TAS2R1: variants seen among roughly 807,000 people sequenced by gnomAD.
The protein encoded by TAS2R1 is taste receptor type 2 member 1.
For synonymous variants in TAS2R1, 141 were observed against 134.2 expected, an observed-to-expected ratio of 1.05 and a Z score of -0.35; for missense variants, 370 against 353.4, an observed-to-expected ratio of 1.05 and a Z score of -0.38.
the TAS2R1 span, among the ~76,000 whole-genome samples, chr5:9,731,247 G>A: frequency 5.3e-5 from 8 of 152,012 alleles, no homozygotes; most frequent in East Asian, 5.8e-4. Flanking sequence ...TCAAAGCAAC[G>A]TCATCTATCA....
At chr5:9,842,467 C>A in the TAS2R1 span, among the ~76,000 whole-genome samples, 1 of 151,624 alleles carries the variant, frequency 6.6e-6, no homozygotes, top group Non-Finnish European at 1.5e-5. Flanking sequence ...ACTACAAGTG[C>A]CCACCACCAC....
chr5:9,798,146 T>A, the TAS2R1 span, among the ~76,000 whole-genome samples: 1 of 152,256 alleles, frequency 6.6e-6, no homozygotes, highest in South Asian at 2.1e-4. Flanking sequence ...TGGTGTACGA[T>A]TTGATTAATA....
the TAS2R1 span, among the ~76,000 whole-genome samples, chr5:9,842,312 C>CTTT: frequency 0.012 from 1,493 of 120,054 alleles, 94 homozygotes; most frequent in African/African-American, 0.04. Context: ...GTCTTTCTTT[C>CTTT]TCTCTTTTTT....
chr5:9,725,826 T>TCCAGTGCGGGATCCACTGGGTG, the TAS2R1 span, among the ~76,000 whole-genome samples: 3 of 152,158 alleles, frequency 2.0e-5, no homozygotes, highest in African/African-American at 7.2e-5. Flanking sequence ...CCTTTATGTC[T>TCCAGTGCGGGATCCACTGGGTG]AGTTAAGGGA....
the TAS2R1 span, among the ~76,000 whole-genome samples, chr5:9,737,170 T>C: frequency 6.6e-6 from 1 of 152,202 alleles, no homozygotes. Flanking sequence ...GCAGCAGCTC[T>C]GGTCTTCATC....
chr5:9,882,312 T>C, the TAS2R1 span, among the ~76,000 whole-genome samples: 9 of 152,212 alleles, frequency 5.9e-5, no homozygotes, highest in East Asian at 1.7e-3. Context: ...TAGTATCTCG[T>C]GCCAGTCAGA....
At chr5:9,849,521 C>A in the TAS2R1 span, among the ~76,000 whole-genome samples, 1 of 152,204 alleles carries the variant, frequency 6.6e-6, no homozygotes, top group Non-Finnish European at 1.5e-5. Flanking sequence ...CTAGACCACC[C>A]AGCTCTGAAG....
the TAS2R1 span, among the ~76,000 whole-genome samples, chr5:9,718,826 A>T: frequency 6.6e-6 from 1 of 152,202 alleles, no homozygotes; most frequent in Admixed American, 6.5e-5. Flanking sequence ...GCTTCAGTCA[A>T]GCATAAAATA....
At chr5:9,691,677 G>A (rs929839067) in intron 1 of TAS2R1, among the ~76,000 whole-genome samples, 3 of 152,248 alleles carry the variant, frequency 2.0e-5, no homozygotes, top group Admixed American at 1.3e-4. Flanking sequence ...CCAGGCTGGG[G>A]CTGGCCAGGT....
intron 1 of TAS2R1, among the ~76,000 whole-genome samples, chr5:9,689,763 T>C (rs1458773545): frequency 6.6e-6 from 1 of 152,164 alleles, no homozygotes; most frequent in Non-Finnish European, 1.5e-5. Flanking sequence ...TGTTATATAT[T>C]ATAATTTATG....
the TAS2R1 span, among the ~76,000 whole-genome samples, chr5:9,862,418 G>A: frequency 3.9e-4 from 59 of 152,196 alleles, no homozygotes; most frequent in African/African-American, 9.9e-4. Context: ...AAAAGCAGCC[G>A]TGGAGGAAGG....
At chr5:9,692,735 C>T (rs1741274186) in intron 1 of TAS2R1, among the ~76,000 whole-genome samples, 1 of 152,158 alleles carries the variant, frequency 6.6e-6, no homozygotes, top group Non-Finnish European at 1.5e-5. Flanking sequence ...CTTGGATAAG[C>T]ATTTATGTTG....
intron 1 of TAS2R1, among the ~76,000 whole-genome samples, chr5:9,663,359 T>C (rs2126497158): frequency 6.6e-6 from 1 of 152,346 alleles, no homozygotes; most frequent in East Asian, 1.9e-4. Context: ...TATTTCTTAA[T>C]GTTTTCTTAT....
chr5:9,678,443 A>T (rs1207129486), intron 1 of TAS2R1, among the ~76,000 whole-genome samples: 2 of 152,202 alleles, frequency 1.3e-5, no homozygotes, highest in African/African-American at 4.8e-5. Context: ...ATATACCCAA[A>T]GGAATATAGA....
At chr5:9,891,330 G>A in the TAS2R1 span, among the ~76,000 whole-genome samples, 1 of 151,716 alleles carries the variant, frequency 6.6e-6, no homozygotes, top group Admixed American at 6.6e-5. Flanking sequence ...CTTTCATTTT[G>A]GGAAAAAAAA....
the TAS2R1 span, among the ~76,000 whole-genome samples, chr5:9,742,273 A>T: frequency 6.6e-6 from 1 of 152,222 alleles, no homozygotes. Flanking sequence ...ATAGAAAGAC[A>T]GCTCTCATTC....
At chr5:9,699,947 A>C (rs1741442692) in intron 1 of TAS2R1, among the ~76,000 whole-genome samples, 3 of 152,196 alleles carry the variant, frequency 2.0e-5, no homozygotes, top group Admixed American at 2.0e-4. Context: ...CCTGACAAAA[A>C]AGAAGCAAGT....
the TAS2R1 span, among the ~76,000 whole-genome samples, chr5:9,755,079 C>T: frequency 2.0e-5 from 3 of 152,022 alleles, no homozygotes; most frequent in Non-Finnish European, 4.4e-5. Flanking sequence ...TGGGTTAATT[C>T]CATAATTTAC....
chr5:9,699,125 T>C (rs1362858557), intron 1 of TAS2R1, among the ~76,000 whole-genome samples: 1 of 152,240 alleles, frequency 6.6e-6, no homozygotes. Context: ...AGAGGTAAAT[T>C]GTGAAGTCAG....
Sources: gnomAD v4.1 joint callset for allele counts (sites outside exome capture counted in the v4.1 genomes callset) on GRCh38, gnomAD v4.1.1 for gene constraint, MANE v1.5 for transcripts, NCBI Gene and HGNC (gene_info 2026-07-23, HGNC 2026-07-21) for gene names.